Variants in SRGAP1 observed in about 807,000 individuals in gnomAD.
The protein encoded by SRGAP1 is SLIT-ROBO Rho GTPase-activating protein 1.
Under a neutral mutation model 121.9 loss-of-function variants are expected in SRGAP1, and 43 were observed. The observed-to-expected ratio is 0.35, with a 90% confidence interval of 0.28 to 0.46. The LOEUF is 0.46. Ranked by LOEUF, SRGAP1 falls within the 20% of genes least tolerant of loss-of-function variation. The pLI, the probability that SRGAP1 is intolerant of heterozygous loss-of-function variation, is 1.00. For missense variants in SRGAP1, 1,102 were observed against 1,350.9 expected, an observed-to-expected ratio of 0.82 and a Z score of 2.89; for synonymous variants, 447 against 485.4, an observed-to-expected ratio of 0.92 and a Z score of 1.04.
intron 3 of SRGAP1, 140 bp from the exon 4 acceptor site, chr12:64,016,810 A>G (rs908169073): frequency 3.8e-6 from 2 of 526,742 alleles, no homozygotes; most frequent in African/African-American, 1.9e-5. Flanking sequence ...AGAGTTTACA[A>G]AGGGCCATTC....
rs1488156809 is a variant in SRGAP1 at position 63,990,022 on chromosome 12, A to T, written c.376A>T (p.Ile126Phe). The T allele has an allele frequency of 6.2e-7, 1 of 1,613,684 alleles. No individual in the cohort carries two copies. The highest frequency in any genetic ancestry group is 8.5e-7 in the Non-Finnish European group (1 of 1,179,862). The change falls in exon 3 of 22, where the codon ATT becomes TTT. Residue 126 changes from isoleucine to phenylalanine, a missense_variant. Around this residue, in one of 3 missense-constraint regions of SRGAP1, gnomAD observed 747 missense variants for 929.4 expected, o/e 0.80. Transcript: ENST00000355086. ...TLSDIYLNNV[I>F]MRFMQISEDS... ...GAGTGACATCTATCTGAACAATGTG[A>T]TTATGCGGTTCATGCAGATAAGTGA...
At position 64,032,575 on chromosome 12, in the gene SRGAP1, C is replaced by G. The variant is rs1593062199; in HGVS notation, c.490-10215C>G. The G allele has an allele frequency of 7.0e-6, 6 of 853,120 alleles. No homozygotes were observed. The East Asian group carries it at 1.7e-4, about 24-fold the overall frequency. 52.8% of individuals were successfully genotyped at this position (853,120 alleles called of 1,614,324 possible). A position where few individuals can be genotyped will look rare whatever the true frequency, so the allele number is the denominator to read the frequency against. On this transcript the variant is annotated intron_variant, in intron 4 of 21. Coordinates refer to ENST00000355086, the MANE Select transcript of SRGAP1 (RefSeq NM_020762.4). Reference sequence around the variant, plus strand: ...CTTGACCAGAGCCACGGACCTAGCTCTGCACATAAGTCCTGCCCCCGACAG... The same window carrying G: ...CTTGACCAGAGCCACGGACCTAGCTGTGCACATAAGTCCTGCCCCCGACAG...
chr12:64,000,239 G>GGTGTGTGCGTGT (rs1555164001), intron 3 of SRGAP1, among the ~76,000 whole-genome samples: 2 of 131,526 alleles, frequency 1.5e-5, no homozygotes, highest in African/African-American at 5.9e-5. Flanking sequence ...GAAAGGTAGG[G>GGTGTGTGCGTGT]GTGTGTGTGT....
intron 12 of SRGAP1, among the ~76,000 whole-genome samples, chr12:64,092,577 A>G (rs922854874): frequency 6.6e-6 from 1 of 152,200 alleles, no homozygotes; most frequent in Non-Finnish European, 1.5e-5. Context: ...AAGCCACTGA[A>G]GAACCTAAAT....
Position 64,142,816 on chromosome 12 carries a change from C to G in SRGAP1, c.*144C>G, listed in dbSNP as rs142992269. On this transcript the variant is annotated 3_prime_UTR_variant, in exon 22 of 22. Transcript: ENST00000355086. ...TTTTCTATGTTGTCGAATGTAATGT[C>G]TGAGACTAGCTAAATTAACACGGGC... 2.7e-6 allele frequency: 3 copies of G among 1,091,444 alleles called. No homozygotes were observed. The African/African-American group carries it at 4.8e-5, about 17-fold the overall frequency. 67.6% of individuals were successfully genotyped at this position (1,091,444 alleles called of 1,614,324 possible).
intron 19 of SRGAP1, among the ~76,000 whole-genome samples, chr12:64,126,683 C>G (rs1256438233): frequency 2.0e-5 from 3 of 151,540 alleles, no homozygotes; most frequent in Non-Finnish European, 4.4e-5. Flanking sequence ...CCAAAAGTAG[C>G]TTTTTAAGGA....
intron 1 of SRGAP1, chr12:63,887,789 C>G (rs1413316369): frequency 6.6e-6 from 1 of 152,248 alleles, no homozygotes; most frequent in Non-Finnish European, 1.5e-5. Flanking sequence ...TCTTCAAGGT[C>G]TTTGAATTAC....
chr12:64,111,719 TCTC>T, intron 16 of SRGAP1, 40 bp from the exon 17 acceptor site: 1 of 1,501,846 alleles, frequency 6.7e-7, no homozygotes, highest in African/African-American at 1.4e-5. Context: ...ATCCTTTTTT[TCTC>T]TTTGTTCTTT....
At chr12:64,081,791 G>C (rs2035847715) in intron 10 of SRGAP1, 1 of 150,544 alleles carries the variant, frequency 6.6e-6, no homozygotes, top group Non-Finnish European at 1.5e-5. Context: ...AAAAAAAAAA[G>C]AGGGAGAGAG....
intron 4 of SRGAP1, among the ~76,000 whole-genome samples, chr12:64,035,137 CAG>C (rs34202572): frequency 0.6 from 90,219 of 151,532 alleles, 27,113 homozygotes; most frequent in South Asian, 0.67. Flanking sequence ...AACTGAGAAA[CAG>C]AGACATCCAT....
chr12:63,979,073 C>A, intron 1 of SRGAP1, among the ~76,000 whole-genome samples: 1 of 109,386 alleles, frequency 9.1e-6, no homozygotes, highest in Non-Finnish European at 1.7e-5. Context: ...GAGATGGAGT[C>A]TCTATCACCA....
chr12:64,088,647 T>A lies in SRGAP1; in HGVS notation c.1436+1621T>A, dbSNP rs561321884. On this transcript the variant is annotated intron_variant, in intron 11 of 21. Coordinates refer to ENST00000355086, the MANE Select transcript of SRGAP1 (RefSeq NM_020762.4). Reference sequence around the variant, plus strand: ...AGCAGAGCAAGAATCATCAGACCTCTGCCATGGAAATTACTTTGATAAGCA... The same window carrying A: ...AGCAGAGCAAGAATCATCAGACCTCAGCCATGGAAATTACTTTGATAAGCA... 2.0e-4 allele frequency among the ~76,000 whole-genome samples: 31 copies of A among 152,328 alleles called. No individual in the cohort carries two copies. In the South Asian group the frequency reaches 5.2e-3, roughly 25 times the overall value.
At position 64,091,384 on chromosome 12, in the gene SRGAP1, G is replaced by A. The variant is rs760517528; in HGVS notation, c.1539+6G>A. On this transcript the variant is annotated splice_donor_region_variant and intron_variant, in intron 12 of 21. Transcript: ENST00000355086. ...ATTTGGAAACATTCGTCAAGGTACT[G>A]GCACCAGCCATCTGGGTGGCTGATC... is the stretch of plus-strand genomic sequence containing the variant. 2.5e-6 allele frequency: 4 copies of A among 1,595,232 alleles called. No homozygotes were observed. In the African/African-American group the frequency reaches 5.4e-5, roughly 21 times the overall value.
chr12:63,988,336 G>A (rs556670509), intron 2 of SRGAP1, among the ~76,000 whole-genome samples: 11 of 152,242 alleles, frequency 7.2e-5, no homozygotes, highest in Admixed American at 3.3e-4. Flanking sequence ...TGTTATATAG[G>A]GCTGGGTAGA....
chr12:63,866,931 C>T (rs760721062), intron 1 of SRGAP1, among the ~76,000 whole-genome samples: 4 of 151,562 alleles, frequency 2.6e-5, no homozygotes, highest in Non-Finnish European at 5.9e-5. Flanking sequence ...TGCAGTGGCA[C>T]GCTCATGGCT....
intron 8 of SRGAP1, among the ~76,000 whole-genome samples, chr12:64,077,453 C>G (rs905940685): frequency 1.3e-5 from 2 of 149,064 alleles, no homozygotes; most frequent in Non-Finnish European, 3.0e-5. Flanking sequence ...ATAATAATGT[C>G]TTAAATTTAT....
At position 63,956,332 on chromosome 12, in the gene SRGAP1, T is replaced by C. The variant is rs149579836; in HGVS notation, c.68-27615T>C. ...CGTCTGCCTCAGCCTTCCAGATTGCTGGGAATACAGGCATGAACCCCTGCA... is the reference window on the plus strand; with the variant it reads ...CGTCTGCCTCAGCCTTCCAGATTGCCGGGAATACAGGCATGAACCCCTGCA... On this transcript the variant is annotated intron_variant, in intron 1 of 21. Coordinates refer to ENST00000355086, the MANE Select transcript of SRGAP1 (RefSeq NM_020762.4). Among the ~76,000 whole-genome samples, 377 of 152,294 alleles carry C rather than the reference T, an allele frequency of 2.5e-3. 1 individual carries two copies. The highest frequency in any genetic ancestry group is 7.6e-3 in the African/African-American group (317 of 41,570).
At chr12:63,979,678 A>ATC (rs992840550) in intron 1 of SRGAP1, among the ~76,000 whole-genome samples, 2 of 152,178 alleles carry the variant, frequency 1.3e-5, no homozygotes, top group Non-Finnish European at 2.9e-5. Flanking sequence ...AAACCTTTGT[A>ATC]TCTCCAGTGC....
Position 64,080,336 on chromosome 12 carries a change from C to T in SRGAP1, c.1374C>T (p.Ala458=). ...GTAATCTCATCACAAAACTTCAAGCCAAACATGACTTGCTGCAGAGGACCC... is the reference window on the plus strand; with the variant it reads ...GTAATCTCATCACAAAACTTCAAGCTAAACATGACTTGCTGCAGAGGACCC... ...EGSNLITKLQ[A]KHDLLQRTLG... is the part of the protein sequence containing the mutation. The change falls in exon 10 of 22, where the codon GCC becomes GCT. Residue 458 remains alanine, a synonymous_variant. Transcript: ENST00000355086. 6.2e-7 allele frequency: 1 copy of T among 1,613,840 alleles called. No homozygotes were observed. Among genetic ancestry groups the T allele is most frequent in the Non-Finnish European group, 8.5e-7 (1 of 1,179,894 alleles).
Sources: gnomAD v4.1 joint callset for allele counts (sites outside exome capture counted in the v4.1 genomes callset) on GRCh38, gnomAD v4.1.1 for gene constraint, gnomAD v4.1.1 regional missense constraint, MANE v1.5 for transcripts, NCBI Gene and HGNC (gene_info 2026-07-23, HGNC 2026-07-21) for gene names.